The following PCBP3 variants were observed in gnomAD, a reference collection of about 807,000 sequenced individuals.
The protein encoded by PCBP3 is poly(rC)-binding protein 3.
PCBP3 carries 25 observed loss-of-function variants against 52.7 expected under a neutral mutation model. That is an observed-to-expected ratio of 0.47 (90% CI 0.35 to 0.66). The LOEUF (loss-of-function observed/expected upper bound fraction) is 0.66, where lower values mean the gene tolerates loss of function less well. Among genes scored for constraint, PCBP3 ranks in the 30% least tolerant of loss-of-function variants. The pLI is 0.01. For synonymous variants in PCBP3, 162 were observed against 183.0 expected, an observed-to-expected ratio of 0.89 and a Z score of 0.93; for missense variants, 391 against 490.3, an observed-to-expected ratio of 0.80 and a Z score of 1.91.
intron 2 of PCBP3, among the ~76,000 whole-genome samples, chr21:45,706,887 C>G (rs1431338698): frequency 2.0e-5 from 3 of 152,226 alleles, no homozygotes; most frequent in African/African-American, 7.2e-5. Context: ...ATATTTCTCT[C>G]TGCAACTTGG....
chr21:45,906,468 G>C lies in PCBP3; in HGVS notation c.340-2887G>C, dbSNP rs968097179. ...GGTCGGGTCGGGAAGGCCTTGGACA[G>C]GGGCCGTTTGTCTGTAGTTTGAGCC... On this transcript the variant is annotated intron_variant, in intron 9 of 17. Transcript: ENST00000681687. Among the ~76,000 whole-genome samples the C allele has an allele frequency of 5.9e-5, 9 of 152,158 alleles. 1 individual carries two copies. The highest frequency in any genetic ancestry group is 4.6e-4 in the Admixed American group (7 of 15,280).
At chr21:45,893,622 A>AGGGCCCCG (rs2095744302) in intron 5 of PCBP3, among the ~76,000 whole-genome samples, 1 of 50,860 alleles carries the variant, frequency 2.0e-5, no homozygotes, top group Non-Finnish European at 3.6e-5. Context: ...GGTGGGGATG[A>AGGGCCCCG]GGTGGGTGGG....
intron 2 of PCBP3, among the ~76,000 whole-genome samples, chr21:45,679,621 A>G (rs987784065): frequency 6.6e-6 from 1 of 152,206 alleles, no homozygotes; most frequent in Admixed American, 6.5e-5. Flanking sequence ...AGATATACCT[A>G]TATTCTAATA....
In PCBP3 at chr21:45,827,782, A is replaced by G; in HGVS notation, c.-125-22179A>G. Among the ~76,000 whole-genome samples, 1 of 152,208 alleles carries G rather than the reference A, an allele frequency of 6.6e-6. No individual in the cohort carries two copies. The highest frequency in any genetic ancestry group is 1.9e-4 in the East Asian group (1 of 5,198). On this transcript the variant is annotated intron_variant, in intron 4 of 17. Transcript: ENST00000681687. The surrounding 1 kb of genome is among the most constrained non-coding windows in gnomAD (Gnocchi z 4.3). ...AATTAAAAGACCCAGAAAGTTTAAA[A>G]TGAAAGAGATGGAGGAGTTGCCAGA... is the stretch of plus-strand genomic sequence containing the variant.
At position 45,664,953 on chromosome 21, in the gene PCBP3, A is replaced by T. The variant is rs1603200591; in HGVS notation, c.-278-3921A>T. The stretch of plus-strand genomic sequence containing the variant: ...TGTTTTTCATATGGTTGTGTCATCT[A>T]CAGTTTCTTTCATCAGCATTTTGCA... On this transcript the variant is annotated intron_variant, in intron 1 of 17. Coordinates refer to ENST00000681687, the MANE Select transcript of PCBP3 (RefSeq NM_001384156.1). Among the ~76,000 whole-genome samples the T allele has an allele frequency of 2.6e-5, 4 of 152,004 alleles. No individual in the cohort carries two copies. In the South Asian group the frequency reaches 8.3e-4, roughly 31 times the overall value.
chr21:45,846,091 G>A (rs1346356044), intron 4 of PCBP3, among the ~76,000 whole-genome samples: 1 of 152,176 alleles, frequency 6.6e-6, no homozygotes, highest in African/African-American at 2.4e-5. Context: ...AGGCTCCCCT[G>A]GGCGTGTGCG....
rs974258141 is a variant in PCBP3, at chr21:45,737,194, C to T, written c.-162+1765C>T. Among the ~76,000 whole-genome samples, 3 of 151,894 alleles carry T rather than the reference C, an allele frequency of 2.0e-5. No homozygotes were observed. The highest frequency in any genetic ancestry group is 7.3e-5 in the African/African-American group (3 of 41,306). On this transcript the variant is annotated intron_variant, in intron 3 of 17. Coordinates refer to ENST00000681687, the MANE Select transcript of PCBP3 (RefSeq NM_001384156.1). This position sits in a 1 kb window ranked among gnomAD's most constrained non-coding sequence, Gnocchi z 4.9. ...AGGTCATCCCGAGGCTGCTCTCAGT[C>T]CACGTGGCGTCGGGGCTGAGAGGAG...
Position 45,928,063 on chromosome 21 carries a change from A to C in PCBP3, c.718-1854A>C, listed in dbSNP as rs2075715209. ...GCAGCTCTCCTACCCGGCCTGGGAC[A>C]CTTGCGGTCTTTCCTGACGTGCCCC... On this transcript the variant is annotated intron_variant, in intron 13 of 17. Coordinates refer to ENST00000681687, the MANE Select transcript of PCBP3 (RefSeq NM_001384156.1). This position sits in a 1 kb window ranked among gnomAD's most constrained non-coding sequence, Gnocchi z 4.1. 1.3e-5 allele frequency among the ~76,000 whole-genome samples: 2 copies of C among 152,178 alleles called. No homozygotes were observed. Among genetic ancestry groups the C allele is most frequent in the Admixed American group, 1.3e-4 (2 of 15,290 alleles).
rs539273838 is a variant in PCBP3, at chr21:45,748,686, T to C, written c.-161-6731T>C. 1.4e-4 allele frequency among the ~76,000 whole-genome samples: 21 copies of C among 152,360 alleles called. 1 individual carries two copies. The highest frequency in any genetic ancestry group is 4.6e-4 in the African/African-American group (19 of 41,586). On this transcript the variant is annotated intron_variant, in intron 3 of 17. Coordinates refer to ENST00000681687, the MANE Select transcript of PCBP3 (RefSeq NM_001384156.1). ...TGCCTCTGGCCACATCCAGCAGGGCTGGTTGCAGTTGGGGGCAGGTGTTAG... is the reference window on the plus strand; with the variant it reads ...TGCCTCTGGCCACATCCAGCAGGGCCGGTTGCAGTTGGGGGCAGGTGTTAG...
At chr21:45,895,928 G>T (rs1238552469) in intron 5 of PCBP3, among the ~76,000 whole-genome samples, 1 of 152,266 alleles carries the variant, frequency 6.6e-6, no homozygotes, top group Non-Finnish European at 1.5e-5. Context: ...GTGCTTCCGT[G>T]ACCCTGGGCA....
At chr21:45,655,540 G>T (rs747135329) in intron 1 of PCBP3, among the ~76,000 whole-genome samples, 1 of 152,104 alleles carries the variant, frequency 6.6e-6, no homozygotes, top group African/African-American at 2.4e-5. Flanking sequence ...CCCTTTTTAT[G>T]TACTGCTTAT....
chr21:45,846,268 A>G (rs1185425905), intron 4 of PCBP3, among the ~76,000 whole-genome samples: 1 of 152,222 alleles, frequency 6.6e-6, no homozygotes, highest in Non-Finnish European at 1.5e-5. Flanking sequence ...AGGTGTTTCT[A>G]AAATGATATA....
intron 4 of PCBP3, among the ~76,000 whole-genome samples, chr21:45,784,426 CTCCTACCTCCTACCT>C (rs1267468963): frequency 1.9e-4 from 16 of 84,650 alleles, no homozygotes; most frequent in Non-Finnish European, 3.0e-4. Context: ...CTACCCCTAC[CTCCTACCTCCTACCT>C]CCTACCTCCT....
At chr21:45,664,769 C>A (rs71324438) in intron 1 of PCBP3, among the ~76,000 whole-genome samples, 1 of 124,276 alleles carries the variant, frequency 8.0e-6, no homozygotes, top group African/African-American at 2.9e-5. Flanking sequence ...CTCCCCCCTC[C>A]CCCCCACCCC....
chr21:45,650,010 G>A (rs2079573224), intron 1 of PCBP3, among the ~76,000 whole-genome samples: 2 of 151,886 alleles, frequency 1.3e-5, no homozygotes, highest in African/African-American at 4.8e-5. Context: ...GATTTCCTGG[G>A]AGAAACTGTG....
At chr21:45,823,142 G>A (rs2093195544) in intron 4 of PCBP3, among the ~76,000 whole-genome samples, 1 of 152,198 alleles carries the variant, frequency 6.6e-6, no homozygotes, top group Non-Finnish European at 1.5e-5. Flanking sequence ...ATTAGAATTA[G>A]ACTTTTTAAC....
In PCBP3 at chr21:45,914,151, A is replaced by G. The variant is rs1189456776; in HGVS notation, c.675+126A>G. 4 of 1,511,246 alleles carry G rather than the reference A, an allele frequency of 2.6e-6. No homozygotes were observed. In the African/African-American group the frequency reaches 5.5e-5, roughly 21 times the overall value. The allele number at this position is 1,511,246 out of a possible 1,614,324, so 93.6% of individuals were successfully genotyped here. A position where few individuals can be genotyped will look rare whatever the true frequency, so the allele number is the denominator to read the frequency against. On this transcript the variant is annotated intron_variant, in intron 12 of 17. Transcript: ENST00000681687. ...CGTGCACGTCTCCCACCCGTGCTGG[A>G]GGCAGAGCTCTTCCACCTACACCCA...
chr21:45,729,039 G>T (rs1434972992), intron 2 of PCBP3, among the ~76,000 whole-genome samples: 2 of 152,110 alleles, frequency 1.3e-5, no homozygotes, highest in Non-Finnish European at 2.9e-5. Flanking sequence ...TACCACGAAG[G>T]AATACCTCCC....
At chr21:45,930,243 G>A (rs569818230) in intron 14 of PCBP3, among the ~76,000 whole-genome samples, 1 of 151,700 alleles carries the variant, frequency 6.6e-6, no homozygotes, top group African/African-American at 2.4e-5. Flanking sequence ...AGCCTTGCTT[G>A]TGAAGAGACG....
Sources: allele counts gnomAD v4.1 joint callset (sites outside exome capture counted in the v4.1 genomes callset), GRCh38; gene constraint gnomAD v4.1.1; non-coding constraint Gnocchi (gnomAD v3.1); transcripts MANE v1.5; gene names NCBI Gene and HGNC (gene_info 2026-07-23, HGNC 2026-07-21).